The following BCAS3 variants were observed in gnomAD, a reference collection of about 807,000 sequenced individuals.
BCAS3 encodes the protein BCAS4/BCAS3 fusion.
A neutral mutation model predicts 116.1 loss-of-function variants in BCAS3; 53 were observed. The observed-to-expected ratio is 0.46, with a 90% confidence interval of 0.37 to 0.57. The LOEUF (loss-of-function observed/expected upper bound fraction) is 0.57, where lower values mean the gene tolerates loss of function less well. BCAS3 is among the 20% of genes least tolerant of loss of function. The probability of loss-of-function intolerance (pLI) is 0.00; values close to 1 mark genes in which losing one functional copy is unlikely to be tolerated. For missense variants in BCAS3, 917 were observed against 1,165.4 expected (o/e 0.79, Z 3.10); for synonymous variants, 391 against 408.2 (o/e 0.96, Z 0.51).
rs2058081406 is a variant in BCAS3, at chr17:61,355,291, A to T, written c.2426-13036A>T. 6.6e-6 allele frequency: 1 copy of T among 152,228 alleles called. No individual in the cohort carries two copies. The highest frequency in any genetic ancestry group is 1.5e-5 in the Non-Finnish European group (1 of 68,040). The allele number at this position is 152,228 out of a possible 1,614,324, so 9.4% of individuals were successfully genotyped here. Reference sequence around the variant, plus strand: ...TAAAAACAGAAGACTTCTTGGCCCCAGGTTTCAGACTTCAAAGTTCTCAGT... The same window carrying T: ...TAAAAACAGAAGACTTCTTGGCCCCTGGTTTCAGACTTCAAAGTTCTCAGT... On this transcript the variant is annotated intron_variant, in intron 22 of 23. Coordinates refer to ENST00000407086, the MANE Select transcript of BCAS3 (RefSeq NM_017679.5). This position sits in a 1 kb window ranked among gnomAD's most constrained non-coding sequence, Gnocchi z 4.2.
chr17:61,344,975 C>G lies in BCAS3; in HGVS notation c.2426-23352C>G, dbSNP rs896149279. Among the ~76,000 whole-genome samples, 3 of 152,142 alleles carry G rather than the reference C, an allele frequency of 2.0e-5. No homozygotes were observed. The highest frequency in any genetic ancestry group is 4.8e-5 in the African/African-American group (2 of 41,430). ...CACACCCCTCACAGAAAAATAGCCA[C>G]TCTGTCCCTTCTCATGCGGAGGAAG... On this transcript the variant is annotated intron_variant, in intron 22 of 23. Coordinates refer to ENST00000407086, the MANE Select transcript of BCAS3 (RefSeq NM_017679.5). This position sits in a 1 kb window ranked among gnomAD's most constrained non-coding sequence, Gnocchi z 4.1.
chr17:61,030,692 C>T (rs2066569514), intron 16 of BCAS3, among the ~76,000 whole-genome samples: 1 of 151,754 alleles, frequency 6.6e-6, no homozygotes, highest in South Asian at 2.1e-4. Flanking sequence ...TTTTTGTTTG[C>T]TTGCGTGTTT....
chr17:60,992,259 A>G (rs1185103516), intron 15 of BCAS3, among the ~76,000 whole-genome samples: 6 of 151,426 alleles, frequency 4.0e-5, no homozygotes, highest in Admixed American at 2.0e-4. Context: ...GATAGACTGA[A>G]AAAATATAGG....
Position 61,012,264 on chromosome 17 carries a change from A to T in BCAS3, c.1487-3487A>T, listed in dbSNP as rs74867842. ...CAGGGCCTGATACCAATAAGCCTCC[A>T]AAAGTGTGAAGTGACAGAGCAAAGA... On this transcript the variant is annotated intron_variant, in intron 15 of 23. Coordinates refer to ENST00000407086, the MANE Select transcript of BCAS3 (RefSeq NM_017679.5). The surrounding 1 kb of genome is among the most constrained non-coding windows in gnomAD (Gnocchi z 4.5). Among the ~76,000 whole-genome samples the T allele has an allele frequency of 0.019, 2,862 of 152,148 alleles. 93 individuals are homozygous for T. The highest frequency in any genetic ancestry group is 0.064 in the African/African-American group (2,665 of 41,524).
At position 61,276,690 on chromosome 17, in the gene BCAS3, C is replaced by T. The variant is rs1328316659; in HGVS notation, c.2426-91637C>T. Among the ~76,000 whole-genome samples, 1 of 152,094 alleles carries T rather than the reference C, an allele frequency of 6.6e-6. No individual in the cohort carries two copies. The highest frequency in any genetic ancestry group is 2.4e-5 in the African/African-American group (1 of 41,414). On this transcript the variant is annotated intron_variant, in intron 22 of 23. Transcript: ENST00000407086. The surrounding 1 kb of genome is among the most constrained non-coding windows in gnomAD (Gnocchi z 4.2). ...TCTATCAAATAAGCTGACTTATTTG[C>T]AGAAATTGACAAGCTGATCCTAAAA...
chr17:60,781,061 T>G (rs932815770), intron 6 of BCAS3, among the ~76,000 whole-genome samples: 1 of 151,898 alleles, frequency 6.6e-6, no homozygotes, highest in African/African-American at 2.4e-5. Flanking sequence ...CTCCAACTAC[T>G]GGGTTCAAGC....
chr17:61,177,952 T>TAC (rs2079243761), intron 22 of BCAS3, among the ~76,000 whole-genome samples: 1 of 152,192 alleles, frequency 6.6e-6, no homozygotes, highest in South Asian at 2.1e-4. Context: ...TACATAAGAC[T>TAC]ATATACTATA....
Position 61,088,998 on chromosome 17 carries a change from C to T in BCAS3, c.2425+4434C>T, listed in dbSNP as rs116063623. ...CAGATAAGAAAAATGACTTCTTATCCTGAGCAGCCTTGGATCATAAGGTAT... is the reference window on the plus strand; with the variant it reads ...CAGATAAGAAAAATGACTTCTTATCTTGAGCAGCCTTGGATCATAAGGTAT... On this transcript the variant is annotated intron_variant, in intron 22 of 23. Coordinates refer to ENST00000407086, the MANE Select transcript of BCAS3 (RefSeq NM_017679.5). The surrounding 1 kb of genome is among the most constrained non-coding windows in gnomAD (Gnocchi z 4.2). Among the ~76,000 whole-genome samples the T allele has an allele frequency of 2.6e-3, 389 of 152,160 alleles. 1 individual carries two copies. The highest frequency in any genetic ancestry group is 9.1e-3 in the African/African-American group (377 of 41,532).
At position 61,038,676 on chromosome 17, in the gene BCAS3, T is replaced by TTTG. The variant is rs1209848147; in HGVS notation, c.1928+624_1928+625insGTT. On this transcript the variant is annotated intron_variant, in intron 18 of 23. Coordinates refer to ENST00000407086, the MANE Select transcript of BCAS3 (RefSeq NM_017679.5). ...GTTTTGTTTTTGTTTTTGTTTTTTT[T>TTTG]TTTTTTTTTTTGGAGACAGTCTCGC... 6.1e-4 allele frequency among the ~76,000 whole-genome samples: 83 copies of TTTG among 135,958 alleles called. 1 individual carries two copies. The highest frequency in any genetic ancestry group is 2.3e-3 in the African/African-American group (74 of 31,504). 89.2% of individuals were successfully genotyped at this position (135,958 alleles called of 152,430 possible). A position where few individuals can be genotyped will look rare whatever the true frequency, so the allele number is the denominator to read the frequency against.
rs1343448807 is a variant in BCAS3, at chr17:61,388,292, C to A, written c.2594-3685C>A. ...CACCTGCATGGGGTCCCATCTGGCA[C>A]TGCATGGGCCGTAGGTCCCCAGCCC... On this transcript the variant is annotated intron_variant, in intron 23 of 23. Transcript: ENST00000407086. The surrounding 1 kb of genome is among the most constrained non-coding windows in gnomAD (Gnocchi z 6.5). The A allele has an allele frequency of 1.8e-5, 5 of 281,996 alleles. No homozygotes were observed. The highest frequency in any genetic ancestry group is 2.7e-5 in the Non-Finnish European group (4 of 147,258). 17.5% of individuals were successfully genotyped at this position (281,996 alleles called of 1,614,324 possible).
rs2061443105 is a variant in BCAS3, at chr17:60,962,173, TGA to T, written c.1221+14822_1221+14823del. Among the ~76,000 whole-genome samples, 1 of 152,210 alleles carries T rather than the reference TGA, an allele frequency of 6.6e-6. No homozygotes were observed. Among genetic ancestry groups the T allele is most frequent in the African/African-American group, 2.4e-5 (1 of 41,450 alleles). On this transcript the variant is annotated intron_variant, in intron 14 of 23. Coordinates refer to ENST00000407086, the MANE Select transcript of BCAS3 (RefSeq NM_017679.5). The surrounding 1 kb of genome is among the most constrained non-coding windows in gnomAD (Gnocchi z 4.4). ...AAGTACAGATATCCCCTAGATGCATTGATTTTCTTTCTTTTGGCTATATACCT... is the reference window on the plus strand; with the variant it reads ...AAGTACAGATATCCCCTAGATGCATTTTTTCTTTCTTTTGGCTATATACCT...
intron 14 of BCAS3, among the ~76,000 whole-genome samples, chr17:60,984,667 T>C (rs972564896): frequency 6.6e-6 from 1 of 152,068 alleles, no homozygotes; most frequent in African/African-American, 2.4e-5. Context: ...TAAAAAAATT[T>C]TTTGTGGGTA....
chr17:61,102,647 T>C (rs1268721430), intron 22 of BCAS3, among the ~76,000 whole-genome samples: 2 of 152,156 alleles, frequency 1.3e-5, no homozygotes, highest in African/African-American at 2.4e-5. Context: ...ACGTGTGTAA[T>C]GCAAGTGCAT....
chr17:60,896,596 C>T lies in BCAS3; in HGVS notation c.739-6024C>T, dbSNP rs548956726. 9.9e-4 allele frequency among the ~76,000 whole-genome samples: 144 copies of T among 145,500 alleles called. 3 individuals are homozygous for T. The South Asian group carries it at 0.029, about 29-fold the overall frequency. ...CCTTCTTTGTCTTTTTTTTTTCCAG[C>T]TGTTTTTGACTTTAGAGTCTGTTTT... On this transcript the variant is annotated intron_variant, in intron 10 of 23. Coordinates refer to ENST00000407086, the MANE Select transcript of BCAS3 (RefSeq NM_017679.5).
intron 19 of BCAS3, among the ~76,000 whole-genome samples, chr17:61,048,515 G>GC (rs1336879931): frequency 6.6e-6 from 1 of 152,010 alleles, no homozygotes. Context: ...CCAAAGAAGA[G>GC]CGGGTGTCGG....
At chr17:60,929,785 G>T (rs112533887) in intron 13 of BCAS3, among the ~76,000 whole-genome samples, 1 of 139,022 alleles carries the variant, frequency 7.2e-6, no homozygotes, top group South Asian at 2.3e-4. Flanking sequence ...TGTTCTCATT[G>T]TTCAATTCCC....
At chr17:60,875,230 A>G (rs554794201) in intron 9 of BCAS3, among the ~76,000 whole-genome samples, 33 of 152,296 alleles carry the variant, frequency 2.2e-4, no homozygotes, top group African/African-American at 7.7e-4. Context: ...TTATGTACTT[A>G]TAAAGCTGTA....
intron 19 of BCAS3, among the ~76,000 whole-genome samples, chr17:61,062,455 A>G (rs916035859): frequency 2.0e-5 from 3 of 152,180 alleles, no homozygotes; most frequent in African/African-American, 7.2e-5. Flanking sequence ...TTATGATACA[A>G]TTCTTTAAAA....
chr17:61,264,126 G>T (rs2049462393), intron 22 of BCAS3, among the ~76,000 whole-genome samples: 1 of 151,842 alleles, frequency 6.6e-6, no homozygotes, highest in African/African-American at 2.4e-5. Flanking sequence ...GATTAAATGA[G>T]TTTATATATA....
Sources: gnomAD v4.1 joint callset for allele counts (sites outside exome capture counted in the v4.1 genomes callset) on GRCh38, gnomAD v4.1.1 for gene constraint, Gnocchi (gnomAD v3.1) non-coding constraint, MANE v1.5 for transcripts, NCBI Gene and HGNC (gene_info 2026-07-23, HGNC 2026-07-21) for gene names.